RUNDC3B: variants seen among roughly 807,000 people sequenced by gnomAD.
RUNDC3B encodes RUN domain-containing protein 3B.
A neutral mutation model predicts 58.4 loss-of-function variants in RUNDC3B; 33 were observed. The observed-to-expected ratio is 0.56, with a 90% CI of 0.43 to 0.75. The LOEUF (loss-of-function observed/expected upper bound fraction) is 0.75. Among genes scored for constraint, RUNDC3B ranks in the 30% least tolerant of loss-of-function variants. The pLI, the probability that RUNDC3B is intolerant of heterozygous loss-of-function variation, is 0.00. For missense variants in RUNDC3B, 501 were observed against 535.7 expected, an observed-to-expected ratio of 0.94 and a Z score of 0.64; for synonymous variants, 193 against 195.2, an observed-to-expected ratio of 0.99 and a Z score of 0.10.
At chr7:87,718,161 A>G (rs1219392766) in intron 4 of RUNDC3B, among the ~76,000 whole-genome samples, 1 of 152,206 alleles carries the variant, frequency 6.6e-6, no homozygotes, top group African/African-American at 2.4e-5. Flanking sequence ...GGGAAAAGGC[A>G]TATGCGGCAA....
chr7:87,765,353 G>T (rs1279081996), intron 6 of RUNDC3B, among the ~76,000 whole-genome samples: 2 of 151,552 alleles, frequency 1.3e-5, no homozygotes, highest in Non-Finnish European at 3.0e-5. Flanking sequence ...AGTATGGTTT[G>T]TCCTCGTTTT....
intron 2 of RUNDC3B, among the ~76,000 whole-genome samples, chr7:87,679,697 C>A (rs1298370786): frequency 6.7e-6 from 1 of 150,330 alleles, no homozygotes; most frequent in Non-Finnish European, 1.5e-5. Context: ...GCCACCCCAA[C>A]ATTTATAATT....
At chr7:87,827,995 A>G (rs947932195) in intron 10 of RUNDC3B, among the ~76,000 whole-genome samples, 1 of 152,176 alleles carries the variant, frequency 6.6e-6, no homozygotes, top group Admixed American at 6.5e-5. Flanking sequence ...GAGAAAAAAG[A>G]AAGCAATAAA....
intron 2 of RUNDC3B, among the ~76,000 whole-genome samples, chr7:87,696,819 T>G (rs973344647): frequency 6.6e-6 from 1 of 152,164 alleles, no homozygotes; most frequent in African/African-American, 2.4e-5. Context: ...TTTCTCAGTT[T>G]GTAATCTGGG....
intron 10 of RUNDC3B, among the ~76,000 whole-genome samples, chr7:87,829,258 G>A (rs1443492522): frequency 6.6e-6 from 1 of 152,058 alleles, no homozygotes; most frequent in African/African-American, 2.4e-5. Flanking sequence ...TCCCATTCTG[G>A]AGGTTGTCTG....
chr7:87,799,044 A>G (rs1355044620), intron 8 of RUNDC3B, among the ~76,000 whole-genome samples: 1 of 152,248 alleles, frequency 6.6e-6, no homozygotes, highest in Non-Finnish European at 1.5e-5. Context: ...TTCACAAGCC[A>G]TATACATGTT....
intron 7 of RUNDC3B, among the ~76,000 whole-genome samples, chr7:87,774,701 C>T (rs553223869): frequency 6.6e-6 from 1 of 152,160 alleles, no homozygotes; most frequent in African/African-American, 2.4e-5. Flanking sequence ...CAATCCCCCG[C>T]CAAAAAAAAC....
At chr7:87,717,557 C>T (rs1444755825) in intron 4 of RUNDC3B, among the ~76,000 whole-genome samples, 1 of 152,002 alleles carries the variant, frequency 6.6e-6, no homozygotes, top group Non-Finnish European at 1.5e-5. Context: ...AAAAATCCTA[C>T]AATCTCTCTG....
Position 87,628,582 on chromosome 7 carries a change from T to G in RUNDC3B, c.-242T>G. 3 of 270,908 alleles carry G rather than the reference T, an allele frequency of 1.1e-5. No individual in the cohort carries two copies. The highest frequency in any genetic ancestry group is 6.2e-6 in the Non-Finnish European group (1 of 160,336). 16.8% of individuals were successfully genotyped at this position (270,908 alleles called of 1,614,324 possible). ...GCCGAGGGCGGAGGTGGTGCGTGCG[T>G]GCGTGTGTGTGTGTGTGTGTGTGTG... On this transcript the variant is annotated 5_prime_UTR_variant, in exon 1 of 11. Coordinates refer to ENST00000394654, the MANE Select transcript of RUNDC3B (RefSeq NM_001134405.2).
At chr7:87,743,502 T>C (rs1248997108) in intron 6 of RUNDC3B, among the ~76,000 whole-genome samples, 1 of 152,226 alleles carries the variant, frequency 6.6e-6, no homozygotes, top group African/African-American at 2.4e-5. Context: ...TTTTTTATTA[T>C]GGCCATTCTT....
At chr7:87,814,129 TCA>T in intron 9 of RUNDC3B, among the ~76,000 whole-genome samples, 1 of 151,030 alleles carries the variant, frequency 6.6e-6, no homozygotes. Flanking sequence ...AGATGGAGTT[TCA>T]CTCTTGTTGC....
chr7:87,719,089 G>A (rs1328632948), intron 4 of RUNDC3B, among the ~76,000 whole-genome samples: 1 of 151,374 alleles, frequency 6.6e-6, no homozygotes, highest in African/African-American at 2.4e-5. Context: ...ACATAACACA[G>A]GTAACACAGG....
At chr7:87,716,239 G>T (rs1392227610) in intron 4 of RUNDC3B, among the ~76,000 whole-genome samples, 3 of 152,198 alleles carry the variant, frequency 2.0e-5, no homozygotes, top group Non-Finnish European at 4.4e-5. Context: ...ACTGTTGCCA[G>T]ATTTGTGGGA....
intron 8 of RUNDC3B, among the ~76,000 whole-genome samples, chr7:87,784,248 T>C (rs550786096): frequency 6.6e-6 from 1 of 152,324 alleles, no homozygotes; most frequent in South Asian, 2.1e-4. Context: ...GATTCATTGC[T>C]GGGGAGCTAG....
intron 6 of RUNDC3B, among the ~76,000 whole-genome samples, chr7:87,761,923 A>G (rs1833710598): frequency 6.6e-6 from 1 of 151,824 alleles, no homozygotes; most frequent in Non-Finnish European, 1.5e-5. Flanking sequence ...AGTTTATGAA[A>G]CAGACATAAA....
chr7:87,795,606 G>A (rs1835772738), intron 8 of RUNDC3B, among the ~76,000 whole-genome samples: 2 of 152,062 alleles, frequency 1.3e-5, no homozygotes, highest in Non-Finnish European at 2.9e-5. Flanking sequence ...GGCTGGGCAT[G>A]GTGGCTCAAG....
chr7:87,693,999 G>A (rs950223484), intron 2 of RUNDC3B: 1 of 1,606,420 alleles, frequency 6.2e-7, no homozygotes, highest in Non-Finnish European at 8.5e-7. Context: ...TGAGCTGCAC[G>A]GGAGCATGGA....
chr7:87,702,737 A>C (rs1240408335), intron 3 of RUNDC3B, among the ~76,000 whole-genome samples: 1 of 152,208 alleles, frequency 6.6e-6, no homozygotes, highest in African/African-American at 2.4e-5. Flanking sequence ...CGAACATCCC[A>C]AAACTGAAAA....
chr7:87,733,379 A>C (rs564968927), intron 4 of RUNDC3B, among the ~76,000 whole-genome samples: 1 of 152,208 alleles, frequency 6.6e-6, no homozygotes, highest in Non-Finnish European at 1.5e-5. Context: ...GGAGCATTTC[A>C]TCTTTTATTC....
Sources: gnomAD v4.1 joint callset for allele counts (sites outside exome capture counted in the v4.1 genomes callset) on GRCh38, gnomAD v4.1.1 for gene constraint, MANE v1.5 for transcripts, NCBI Gene and HGNC (gene_info 2026-07-23, HGNC 2026-07-21) for gene names.